The following ZCRB1 variants were observed in gnomAD, a reference collection of about 807,000 sequenced individuals.
ZCRB1 encodes the protein zinc finger CCHC-type and RNA binding motif containing 1.
A neutral mutation model predicts 29.9 loss-of-function variants in ZCRB1; 21 were observed. That is an observed-to-expected ratio of 0.70 (90% CI 0.50 to 1.01). The LOEUF (loss-of-function observed/expected upper bound fraction) is 1.01. Among genes scored for constraint, ZCRB1 ranks in the 50% least tolerant of loss-of-function variants. The probability of loss-of-function intolerance (pLI) is 0.00; values close to 1 mark genes in which losing one functional copy is unlikely to be tolerated. For synonymous variants in ZCRB1, 77 were observed against 80.0 expected (o/e 0.96, Z 0.20); for missense variants, 204 against 253.3 (o/e 0.81, Z 1.32).
chr12:42,312,972 A>G lies in ZCRB1; in HGVS notation c.*95T>C. The G allele has an allele frequency of 8.2e-7, 1 of 1,223,448 alleles. No homozygotes were observed. Among genetic ancestry groups the G allele is most frequent in the Non-Finnish European group, 1.1e-6 (1 of 928,542 alleles). The allele number at this position is 1,223,448 out of a possible 1,614,324, so 75.8% of individuals were successfully genotyped here. ...TTGGGATGACAATAATAGTATTAAC[A>G]TGATAGTATTAATTTTTCTTATTTT... On this transcript the variant is annotated 3_prime_UTR_variant, in exon 8 of 8. Coordinates refer to ENST00000266529, the MANE Select transcript of ZCRB1 (RefSeq NM_033114.4).
intron 5 of ZCRB1, among the ~76,000 whole-genome samples, chr12:42,316,845 G>C (rs1222877127): frequency 6.6e-6 from 1 of 152,144 alleles, no homozygotes; most frequent in East Asian, 1.9e-4. Context: ...ATACCACTTT[G>C]TATTACCCAA....
intron 5 of ZCRB1, among the ~76,000 whole-genome samples, chr12:42,314,302 G>A (rs2068583905): frequency 7.0e-6 from 1 of 142,906 alleles, no homozygotes; most frequent in Non-Finnish European, 1.5e-5. Context: ...GCTCACGCCT[G>A]TAATCCTAGC....
chr12:42,313,036 T>G lies in ZCRB1; in HGVS notation c.*31A>C, dbSNP rs1592101000. ...TCTTCAAGATTGTTACTAACAAATC[T>G]TGATTTTTATTACTGTGCTGGGGCA... On this transcript the variant is annotated 3_prime_UTR_variant, in exon 8 of 8. Coordinates refer to ENST00000266529, the MANE Select transcript of ZCRB1 (RefSeq NM_033114.4). The G allele has an allele frequency of 6.6e-7, 1 of 1,507,860 alleles. No individual in the cohort carries two copies. Among genetic ancestry groups the G allele is most frequent in the African/African-American group, 1.4e-5 (1 of 71,600 alleles). 93.4% of individuals were successfully genotyped at this position (1,507,860 alleles called of 1,614,324 possible).
chr12:42,316,716 A>C (rs1014494706), intron 5 of ZCRB1, among the ~76,000 whole-genome samples: 1 of 152,246 alleles, frequency 6.6e-6, no homozygotes, highest in East Asian at 1.9e-4. Context: ...TTAAAGAAAC[A>C]GGCAATATCC....
At chr12:42,322,276 TA>T in intron 3 of ZCRB1, 141 bp downstream of exon 3, 2 of 852,396 alleles carry the variant, frequency 2.3e-6, no homozygotes, top group Non-Finnish European at 3.4e-6. Flanking sequence ...GAAAACCAAC[TA>T]AATTGTCATA....
rs2068721579 is a variant in ZCRB1, at chr12:42,326,044, C to G, written c.-123G>C. The G allele has an allele frequency of 6.6e-6, 1 of 152,328 alleles. No homozygotes were observed. The highest frequency in any genetic ancestry group is 2.4e-5 in the African/African-American group (1 of 41,468). The allele number at this position is 152,328 out of a possible 1,614,324, so 9.4% of individuals were successfully genotyped here. On this transcript the variant is annotated 5_prime_UTR_variant, in exon 1 of 8. Transcript: ENST00000266529. ...TGGCATCACGAGTCCTGGGAGGGGT[C>G]AGGCGCGGAGAGCAGATAATAGCAG... is the stretch of plus-strand genomic sequence containing the variant.
At chr12:42,323,461 A>G (rs1164225765) in intron 2 of ZCRB1, among the ~76,000 whole-genome samples, 1 of 152,044 alleles carries the variant, frequency 6.6e-6, no homozygotes, top group Non-Finnish European at 1.5e-5. Context: ...CCTTCTCAAT[A>G]ATGGCATTTC....
At chr12:42,314,612 C>T (rs1219683257) in intron 5 of ZCRB1, among the ~76,000 whole-genome samples, 2 of 151,104 alleles carry the variant, frequency 1.3e-5, no homozygotes, top group Non-Finnish European at 2.9e-5. Flanking sequence ...TTAAATGGAT[C>T]ATTTACCCTA....
In ZCRB1 at chr12:42,312,410, G is replaced by A. The variant is rs1451473018; in HGVS notation, c.*657C>T. 5 of 152,052 alleles carry A rather than the reference G, an allele frequency of 3.3e-5. No homozygotes were observed. Among genetic ancestry groups the A allele is most frequent in the Non-Finnish European group, 7.4e-5 (5 of 67,988 alleles). 9.4% of individuals were successfully genotyped at this position (152,052 alleles called of 1,614,324 possible). A position where few individuals can be genotyped will look rare whatever the true frequency, so the allele number is the denominator to read the frequency against. On this transcript the variant is annotated 3_prime_UTR_variant, in exon 8 of 8. Transcript: ENST00000266529. ...CTCAGAAATGAAAAGTATTTACTTG[G>A]TTATTAAAAAAGATATATATGGATT...
chr12:42,317,707 C>T, intron 4 of ZCRB1, 80 bp downstream of exon 4: 1 of 1,200,066 alleles, frequency 8.3e-7, no homozygotes, highest in South Asian at 1.3e-5. Context: ...ACCTGATGAT[C>T]CACTATATCC....
chr12:42,317,261 T>G (rs758588177), intron 5 of ZCRB1, 79 bp downstream of exon 5: 24 of 995,560 alleles, frequency 2.4e-5, no homozygotes, highest in Non-Finnish European at 2.9e-5. Flanking sequence ...GTCAGAAGTT[T>G]TGGTGAGCAA....
chr12:42,317,420 T>C lies in ZCRB1; in HGVS notation c.253A>G (p.Ile85Val). Reference sequence around the variant, plus strand: ...GCTGCTCTTCCATTGTCAATAGCAATGCTTGCTTTTATCACTCTACCAAAT... The same window carrying C: ...GCTGCTCTTCCATTGTCAATAGCAACGCTTGCTTTTATCACTCTACCAAAT... ...QLFGRVIKAS[I>V]AIDNGRAAEF... Residue 85 changes from isoleucine to valine, a missense_variant, in exon 5 of 8, where the codon ATT becomes GTT. Physicochemically the swap from Ile to Val is conservative, Grantham distance 29. Transcript: ENST00000266529. 1 of 1,611,196 alleles carries C rather than the reference T, an allele frequency of 6.2e-7. No individual in the cohort carries two copies. Among genetic ancestry groups the C allele is most frequent in the Non-Finnish European group, 8.5e-7 (1 of 1,179,114 alleles).
intron 3 of ZCRB1, among the ~76,000 whole-genome samples, chr12:42,319,391 T>C (rs1441735784): frequency 1.3e-5 from 2 of 152,198 alleles, no homozygotes; most frequent in East Asian, 3.8e-4. Flanking sequence ...GTAAGTTGCC[T>C]ATTCTTTGTC....
In ZCRB1 at chr12:42,312,253, C is replaced by T. The variant is rs1393915886; in HGVS notation, c.*814G>A. ...TACAAAGCAGAAAATTAAAGGCTCT[C>T]TAATCCCATTACCATATACCCACCT... On this transcript the variant is annotated 3_prime_UTR_variant, in exon 8 of 8. Transcript: ENST00000266529. The T allele has an allele frequency of 1.3e-5, 2 of 152,062 alleles. No individual in the cohort carries two copies. The highest frequency in any genetic ancestry group is 4.8e-5 in the African/African-American group (2 of 41,428). 9.4% of individuals were successfully genotyped at this position (152,062 alleles called of 1,614,324 possible). A position where few individuals can be genotyped will look rare whatever the true frequency, so the allele number is the denominator to read the frequency against.
In ZCRB1 at chr12:42,312,104, T is replaced by C. The variant is rs1030991663; in HGVS notation, c.*963A>G. On this transcript the variant is annotated 3_prime_UTR_variant, in exon 8 of 8. Coordinates refer to ENST00000266529, the MANE Select transcript of ZCRB1 (RefSeq NM_033114.4). Reference sequence around the variant, plus strand: ...TTTATAATGAAATTTCAAATATCTTTTTAATATATTTTTTCTTGGGATGAC... The same window carrying C: ...TTTATAATGAAATTTCAAATATCTTCTTAATATATTTTTTCTTGGGATGAC... 6.6e-6 allele frequency: 1 copy of C among 152,246 alleles called. No homozygotes were observed. The highest frequency in any genetic ancestry group is 2.1e-4 in the South Asian group (1 of 4,830). 9.4% of individuals were successfully genotyped at this position (152,246 alleles called of 1,614,324 possible).
At chr12:42,318,780 G>GGAAT (rs1317836935) in intron 3 of ZCRB1, among the ~76,000 whole-genome samples, 1 of 152,092 alleles carries the variant, frequency 6.6e-6, no homozygotes, top group Non-Finnish European at 1.5e-5. Flanking sequence ...GACGGAGGGA[G>GGAAT]GAATGAATGA....
rs1322445584 is a variant in ZCRB1 at position 42,312,761 on chromosome 12, C to T, written c.*306G>A. The T allele has an allele frequency of 6.0e-6, 1 of 166,152 alleles. No homozygotes were observed. The highest frequency in any genetic ancestry group is 1.3e-5 in the Non-Finnish European group (1 of 77,942). 10.3% of individuals were successfully genotyped at this position (166,152 alleles called of 1,614,324 possible). A position where few individuals can be genotyped will look rare whatever the true frequency, so the allele number is the denominator to read the frequency against. ...TACAAGAAATATGATGACAAAACAC[C>T]CATATTTAAAGACAAAATTCTCTTG... On this transcript the variant is annotated 3_prime_UTR_variant, in exon 8 of 8. Transcript: ENST00000266529.
rs2068603106 is a variant in ZCRB1, at chr12:42,317,993, A to G, written c.114-95T>C. On this transcript the variant is annotated intron_variant, in intron 3 of 7. Coordinates refer to ENST00000266529, the MANE Select transcript of ZCRB1 (RefSeq NM_033114.4). ...TCATTTTAAAAAGGGCTAAAAATTT[A>G]TAAGATAAATTAATACATTTGAAAA... is the stretch of plus-strand genomic sequence containing the variant. The G allele has an allele frequency of 8.6e-6, 8 of 928,028 alleles. No individual in the cohort carries two copies. The East Asian group carries it at 1.6e-4, about 18-fold the overall frequency. 57.5% of individuals were successfully genotyped at this position (928,028 alleles called of 1,614,324 possible).
chr12:42,317,728 G>T, intron 4 of ZCRB1, 59 bp downstream of exon 4: 1 of 1,410,526 alleles, frequency 7.1e-7, no homozygotes, highest in Non-Finnish European at 9.9e-7. Context: ...CCACATTTTT[G>T]GCCTGGATGA....
Sources: gnomAD v4.1 joint callset for allele counts (sites outside exome capture counted in the v4.1 genomes callset) on GRCh38, gnomAD v4.1.1 for gene constraint, MANE v1.5 for transcripts, NCBI Gene and HGNC (gene_info 2026-07-23, HGNC 2026-07-21) for gene names.